The following RNF182 variants were observed in gnomAD, a reference collection of about 807,000 sequenced individuals.
The protein encoded by RNF182 is E3 ubiquitin-protein ligase RNF182.
RNF182 carries 15 observed loss-of-function variants against 14.4 expected under a neutral mutation model. That is an observed-to-expected ratio of 1.04 (90% confidence interval 0.70 to 1.60). The LOEUF (loss-of-function observed/expected upper bound fraction) is 1.60. Ranked by LOEUF, RNF182 falls within the 40% of genes most tolerant of loss-of-function variation. RNF182 has a pLI of 0.00. For synonymous variants in RNF182, 128 were observed against 122.9 expected (o/e 1.04, Z -0.27); for missense variants, 268 against 294.8 (o/e 0.91, Z 0.67).
In RNF182 at chr6:13,978,606, G is replaced by T. The variant is rs280164; in HGVS notation, c.*743G>T. 69,169 of 166,750 alleles carry T rather than the reference G, an allele frequency of 0.41. 15,558 individuals are homozygous for T. Among genetic ancestry groups the T allele is most frequent in the Middle Eastern group, 0.52 (152 of 292 alleles). 10.3% of individuals were successfully genotyped at this position (166,750 alleles called of 1,614,324 possible). On this transcript the variant is annotated 3_prime_UTR_variant, in exon 3 of 3. Coordinates refer to ENST00000488300, the MANE Select transcript of RNF182 (RefSeq NM_152737.4). ...CTTATCTGAGAAGAATGGAGGAGAA[G>T]GAACTTCTCATACAGCGGTTATTAT...
chr6:13,958,751 G>C (rs1355115464), intron 1 of RNF182, among the ~76,000 whole-genome samples: 1 of 152,168 alleles, frequency 6.6e-6, no homozygotes, highest in African/African-American at 2.4e-5. Flanking sequence ...TGCCATAATA[G>C]AAAATAAGGG....
In RNF182 at chr6:13,977,382, T is replaced by G; in HGVS notation, c.263T>G (p.Leu88Arg). Residue 88 changes from leucine (L) to arginine (R), a missense_variant, in exon 3 of 3, where the codon CTT becomes CGT. Coordinates refer to ENST00000488300, the MANE Select transcript of RNF182 (RefSeq NM_152737.4). ...VSSLPDDNNILVNLTCGGKGK... is the reference protein window; with the variant it reads ...VSSLPDDNNIRVNLTCGGKGK... ...AGCCTGCCCGATGACAACAACATCCTTGTAAACTTGACTTGTGGAGGCAAA... is the reference window on the plus strand; with the variant it reads ...AGCCTGCCCGATGACAACAACATCCGTGTAAACTTGACTTGTGGAGGCAAA... 1 of 1,614,146 alleles carries G rather than the reference T, an allele frequency of 6.2e-7. No individual in the cohort carries two copies. The highest frequency in any genetic ancestry group is 8.5e-7 in the Non-Finnish European group (1 of 1,180,012).
intron 1 of RNF182, among the ~76,000 whole-genome samples, chr6:13,973,650 C>G (rs925606604): frequency 6.6e-6 from 1 of 152,146 alleles, no homozygotes; most frequent in South Asian, 2.1e-4. Flanking sequence ...GTAAGACATG[C>G]CTTTGCTCCT....
At chr6:13,965,585 C>A (rs571162545) in intron 1 of RNF182, among the ~76,000 whole-genome samples, 2 of 152,210 alleles carry the variant, frequency 1.3e-5, no homozygotes, top group South Asian at 2.1e-4. Flanking sequence ...CTAGACAGAG[C>A]AAATTACTTA....
rs150478253 is a variant in RNF182, at chr6:13,961,052, A to G, written c.-366-13158A>G. Among the ~76,000 whole-genome samples, 335 of 152,332 alleles carry G rather than the reference A, an allele frequency of 2.2e-3. 4 individuals are homozygous for G. In the East Asian group the frequency reaches 0.038, roughly 17 times the overall value. On this transcript the variant is annotated intron_variant, in intron 1 of 2. Transcript: ENST00000488300. ...AAAAACCTAGACTTATGAGCTTTAT[A>G]TATTATTTGTTGGCGTTCCATATAG... is the stretch of plus-strand genomic sequence containing the variant.
intron 1 of RNF182, among the ~76,000 whole-genome samples, chr6:13,952,319 C>A (rs928859004): frequency 6.6e-6 from 1 of 152,106 alleles, no homozygotes; most frequent in African/African-American, 2.4e-5. Context: ...CCTCATTGTC[C>A]CACTATCCTG....
At chr6:13,951,172 C>T (rs542609662) in intron 1 of RNF182, among the ~76,000 whole-genome samples, 1 of 152,148 alleles carries the variant, frequency 6.6e-6, no homozygotes, top group Non-Finnish European at 1.5e-5. Flanking sequence ...TATAAATACA[C>T]GGAGAGATGG....
At chr6:13,955,183 A>G (rs1357500942) in intron 1 of RNF182, among the ~76,000 whole-genome samples, 1 of 152,202 alleles carries the variant, frequency 6.6e-6, no homozygotes, top group Non-Finnish European at 1.5e-5. Flanking sequence ...GTTGGACGGG[A>G]TGTGCATGAA....
In RNF182 at chr6:13,979,887, A is replaced by C. The variant is rs933831400; in HGVS notation, c.*2024A>C. On this transcript the variant is annotated 3_prime_UTR_variant, in exon 3 of 3. Coordinates refer to ENST00000488300, the MANE Select transcript of RNF182 (RefSeq NM_152737.4). ...TCTAGTTAATTTGGCTTTAGAGAGC[A>C]ATCTTTGTATGACACCAGAAAACTC... The C allele has an allele frequency of 6.0e-6, 1 of 167,004 alleles. No individual in the cohort carries two copies. The highest frequency in any genetic ancestry group is 2.4e-5 in the African/African-American group (1 of 41,452). 10.3% of individuals were successfully genotyped at this position (167,004 alleles called of 1,614,324 possible). A position where few individuals can be genotyped will look rare whatever the true frequency, so the allele number is the denominator to read the frequency against.
chr6:13,955,862 G>T (rs1302050262), intron 1 of RNF182, among the ~76,000 whole-genome samples: 4 of 152,064 alleles, frequency 2.6e-5, no homozygotes, highest in African/African-American at 7.2e-5. Context: ...AGACCAGCCT[G>T]GACAACATAG....
chr6:13,955,620 G>C (rs1256868170), intron 1 of RNF182, among the ~76,000 whole-genome samples: 2 of 152,204 alleles, frequency 1.3e-5, no homozygotes, highest in African/African-American at 4.8e-5. Context: ...GTTAACAGTT[G>C]CACAGCAACC....
intron 2 of RNF182, among the ~76,000 whole-genome samples, chr6:13,974,839 A>G (rs1760283963): frequency 6.6e-6 from 1 of 152,162 alleles, no homozygotes; most frequent in Non-Finnish European, 1.5e-5. Flanking sequence ...ATGTGTTTAC[A>G]TACTTTCTTT....
intron 1 of RNF182, chr6:13,949,443 G>T (rs530502091): frequency 4.4e-6 from 3 of 675,598 alleles, no homozygotes; most frequent in East Asian, 2.7e-5. Context: ...AGGTTTCTTT[G>T]ACTTCATTCT....
chr6:13,927,270 A>G (rs1039115469), intron 1 of RNF182, among the ~76,000 whole-genome samples: 2 of 152,234 alleles, frequency 1.3e-5, no homozygotes, highest in Non-Finnish European at 2.9e-5. Context: ...TAATGAAAGA[A>G]AAAATACTAT....
At chr6:13,949,468 G>A (rs1238537624) in intron 1 of RNF182, 15 of 629,968 alleles carry the variant, frequency 2.4e-5, no homozygotes, top group East Asian at 2.9e-5. Flanking sequence ...TTTGGTTGAC[G>A]AGAAAGGCTG....
At chr6:13,956,300 G>T (rs967390217) in intron 1 of RNF182, among the ~76,000 whole-genome samples, 7 of 150,770 alleles carry the variant, frequency 4.6e-5, no homozygotes, top group Non-Finnish European at 8.9e-5. Context: ...AATATATCCT[G>T]ACTGTTCTTT....
intron 1 of RNF182, among the ~76,000 whole-genome samples, chr6:13,959,468 A>T (rs1184942223): frequency 6.6e-6 from 1 of 152,242 alleles, no homozygotes; most frequent in East Asian, 1.9e-4. Context: ...TTAGAAGCTT[A>T]CTTTGGTTAT....
intron 1 of RNF182, among the ~76,000 whole-genome samples, chr6:13,973,814 C>T (rs531317428): frequency 6.6e-5 from 10 of 152,278 alleles, no homozygotes; most frequent in African/African-American, 1.2e-4. Context: ...GTCTAATCAC[C>T]GCCAGAGTTT....
intron 1 of RNF182, among the ~76,000 whole-genome samples, chr6:13,946,536 T>A (rs1011385400): frequency 2.6e-5 from 4 of 152,190 alleles, no homozygotes; most frequent in Non-Finnish European, 5.9e-5. Flanking sequence ...TTCCTGGGTC[T>A]GTTATTTCCT....
Sources: gnomAD v4.1 joint callset for allele counts (sites outside exome capture counted in the v4.1 genomes callset) on GRCh38, gnomAD v4.1.1 for gene constraint, MANE v1.5 for transcripts, NCBI Gene and HGNC (gene_info 2026-07-23, HGNC 2026-07-21) for gene names.